Variants in RIPK1 observed in about 807,000 individuals in gnomAD.
RIPK1 encodes receptor-interacting serine/threonine-protein kinase 1.
RIPK1 carries 27 observed loss-of-function variants against 62.4 expected under a neutral mutation model. The ratio of observed to expected loss-of-function variants is 0.43; its 90% CI spans 0.32 to 0.60. The LOEUF (loss-of-function observed/expected upper bound fraction) is 0.60. Ranked by LOEUF, RIPK1 falls within the 20% of genes least tolerant of loss-of-function variation. The pLI is 0.07. For missense variants in RIPK1, 735 were observed against 831.0 expected (o/e 0.88, Z 1.42); for synonymous variants, 287 against 303.2 (o/e 0.95, Z 0.55).
At chr6:3,107,674 A>G (rs1760932012) in intron 9 of RIPK1, among the ~76,000 whole-genome samples, 1 of 151,900 alleles carries the variant, frequency 6.6e-6, no homozygotes, top group South Asian at 2.1e-4. Context: ...CTTCCCTCAC[A>G]CAGTTTAAAT....
chr6:3,077,877 A>C lies in RIPK1; in HGVS notation c.263A>C (p.Tyr88Ser). 1 of 1,614,070 alleles carries C rather than the reference A, an allele frequency of 6.2e-7. No homozygotes were observed. Among genetic ancestry groups the C allele is most frequent in the Non-Finnish European group, 8.5e-7 (1 of 1,179,994 alleles). The change falls in exon 3 of 11, where the codon TAC (tyrosine) becomes TCC (serine). Residue 88 changes from tyrosine to serine, a missense_variant. This residue lies in a region of RIPK1 where 671 missense variants were observed against 726.2 expected (regional missense o/e 0.92). Transcript: ENST00000259808. ...GGCGTCATCATAGAGGAAGGGAAGTACTCCCTGGTGATGGAGTACATGGAG... is the reference window on the plus strand; with the variant it reads ...GGCGTCATCATAGAGGAAGGGAAGTCCTCCCTGGTGATGGAGTACATGGAG... Reference protein sequence around the residue: ...LLGVIIEEGKYSLVMEYMEKG... With the variant: ...LLGVIIEEGKSSLVMEYMEKG...
In RIPK1 at chr6:3,076,788, A is replaced by G. The variant is rs1465190148; in HGVS notation, c.-36A>G. The G allele has an allele frequency of 1.2e-5, 19 of 1,604,200 alleles. No homozygotes were observed. The East Asian group carries it at 1.4e-4, about 12-fold the overall frequency. On this transcript the variant is annotated 5_prime_UTR_variant, in exon 2 of 11. Coordinates refer to ENST00000259808, the MANE Select transcript of RIPK1 (RefSeq NM_001354930.2). The stretch of plus-strand genomic sequence containing the variant: ...GGGTACAGCTCTGCCGGGGGGGGAA[A>G]AAGTGGTACCATTTTGGGCGTTCTT...
At chr6:3,082,189 G>T (rs1227607362) in intron 4 of RIPK1, among the ~76,000 whole-genome samples, 1 of 152,188 alleles carries the variant, frequency 6.6e-6, no homozygotes, top group Non-Finnish European at 1.5e-5. Flanking sequence ...AGGAGCTGCT[G>T]ACACAGGGGC....
intron 7 of RIPK1, among the ~76,000 whole-genome samples, chr6:3,102,279 A>G (rs1189281213): frequency 1.3e-5 from 2 of 152,188 alleles, no homozygotes; most frequent in African/African-American, 4.8e-5. Context: ...CTGCTTTCTG[A>G]TAGTTCAGTA....
At chr6:3,109,767 T>C (rs952941982) in intron 9 of RIPK1, among the ~76,000 whole-genome samples, 2 of 152,336 alleles carry the variant, frequency 1.3e-5, no homozygotes, top group Non-Finnish European at 1.5e-5. Flanking sequence ...ACTAAAACTC[T>C]GTATCCATTA....
At chr6:3,069,439 C>T (rs1264597895) in intron 1 of RIPK1, among the ~76,000 whole-genome samples, 2 of 151,136 alleles carry the variant, frequency 1.3e-5, no homozygotes, top group African/African-American at 4.9e-5. Flanking sequence ...AAGCATTTGA[C>T]AAAGCCTCAC....
Position 3,083,232 on chromosome 6 carries a change from G to C in RIPK1, c.607G>C (p.Ala203Pro). 1.2e-6 allele frequency: 2 copies of C among 1,613,954 alleles called. No individual in the cohort carries two copies. Among genetic ancestry groups the C allele is most frequent in the Non-Finnish European group, 1.7e-6 (2 of 1,180,000 alleles). The stretch of plus-strand genomic sequence containing the variant: ...GCCCGAGCACCTGAATGACGTCAAC[G>C]CAAAGCCCACAGAGAAGTCGGATGT... ...MAPEHLNDVN[A>P]KPTEKSDVYS... The change falls in exon 5 of 11, where the codon GCA becomes CCA. Residue 203 changes from alanine (A) to proline (P), a missense_variant. This residue lies in a region of RIPK1 where 671 missense variants were observed against 726.2 expected (regional missense o/e 0.92). Transcript: ENST00000259808.
chr6:3,070,794 A>C (rs1378596340), intron 1 of RIPK1, among the ~76,000 whole-genome samples: 1 of 152,200 alleles, frequency 6.6e-6, no homozygotes, highest in Non-Finnish European at 1.5e-5. Context: ...ACATTTATTT[A>C]ATATAGATGA....
intron 9 of RIPK1, 104 bp downstream of exon 9, chr6:3,106,155 G>A (rs963490975): frequency 3.0e-5 from 27 of 890,788 alleles, no homozygotes; most frequent in Non-Finnish European, 3.2e-5. Flanking sequence ...TGGGGACAGA[G>A]GGCATCATCA....
At chr6:3,097,770 G>A (rs542400910) in intron 7 of RIPK1, among the ~76,000 whole-genome samples, 2 of 151,848 alleles carry the variant, frequency 1.3e-5, no homozygotes, top group South Asian at 2.1e-4. Flanking sequence ...TGTTTAAAAC[G>A]AATTTATAAA....
upstream of RIPK1, among the ~76,000 whole-genome samples, chr6:3,067,157 GAT>G (rs539494264): frequency 6.3e-4 from 88 of 139,090 alleles, 1 homozygote; most frequent in Admixed American, 6.3e-3. Context: ...CCCATTAAGT[GAT>G]ATCTTGGATG....
intron 7 of RIPK1, among the ~76,000 whole-genome samples, chr6:3,090,885 C>A (rs34810870): frequency 0.45 from 6,853 of 15,210 alleles, 267 homozygotes; most frequent in Non-Finnish European, 0.47. Flanking sequence ...GTAACCGCAG[C>A]GCGCCTACCT....
In RIPK1 at chr6:3,089,664, A is replaced by G. The variant is rs1344831723; in HGVS notation, c.915+7A>G. On this transcript the variant is annotated splice_region_variant and intron_variant, in intron 7 of 10. Transcript: ENST00000259808. The stretch of plus-strand genomic sequence containing the variant: ...GGACGTGAAGAGTTTAAAGGTAGGC[A>G]ATATAGCAGATGCTCAAAATATTAA... 6.8e-7 allele frequency: 1 copy of G among 1,463,510 alleles called. No individual in the cohort carries two copies. Among genetic ancestry groups the G allele is most frequent in the Non-Finnish European group, 9.4e-7 (1 of 1,058,360 alleles). 90.7% of individuals were successfully genotyped at this position (1,463,510 alleles called of 1,614,324 possible). A position where few individuals can be genotyped will look rare whatever the true frequency, so the allele number is the denominator to read the frequency against.
upstream of RIPK1, among the ~76,000 whole-genome samples, chr6:3,066,189 A>T (rs964050341): frequency 3.3e-5 from 5 of 152,016 alleles, no homozygotes; most frequent in Non-Finnish European, 2.9e-5. Context: ...ACGCCCAGCT[A>T]ATTTTTGTAT....
chr6:3,109,099 T>C (rs183981611), intron 9 of RIPK1, among the ~76,000 whole-genome samples: 1 of 152,298 alleles, frequency 6.6e-6, no homozygotes, highest in Admixed American at 6.5e-5. Flanking sequence ...CCATGCCCCG[T>C]ACCAAGGCCC....
At chr6:3,094,091 T>TGCACCTA (rs950091319) in intron 7 of RIPK1, among the ~76,000 whole-genome samples, 2 of 105,962 alleles carry the variant, frequency 1.9e-5, no homozygotes, top group Non-Finnish European at 3.6e-5. Context: ...GCCTACCTCC[T>TGCACCTA]GCACCTAGTA....
At chr6:3,087,640 C>T (rs973538336) in intron 6 of RIPK1, among the ~76,000 whole-genome samples, 7 of 151,696 alleles carry the variant, frequency 4.6e-5, no homozygotes, top group Non-Finnish European at 5.9e-5. Context: ...CCTGGGTTCA[C>T]GCCATTTTCC....
At chr6:3,073,105 T>C (rs1015160267) in intron 1 of RIPK1, among the ~76,000 whole-genome samples, 1 of 152,014 alleles carries the variant, frequency 6.6e-6, no homozygotes, top group Non-Finnish European at 1.5e-5. Context: ...AATATATACA[T>C]ATGTACATAT....
In RIPK1 at chr6:3,072,223, AT is replaced by A. The variant is rs1446162718; in HGVS notation, c.-61+3563del. ...TCAAGGAATTATTCCTTTCAAAAAA[AT>A]AATTTTAATTTTACATTTAATTCAT... On this transcript the variant is annotated intron_variant, in intron 1 of 10. Transcript: ENST00000259808. The surrounding 1 kb of genome is among the most constrained non-coding windows in gnomAD (Gnocchi z 5.6). Among the ~76,000 whole-genome samples, 1 of 152,218 alleles carries A rather than the reference AT, an allele frequency of 6.6e-6. No individual in the cohort carries two copies. The highest frequency in any genetic ancestry group is 6.5e-5 in the Admixed American group (1 of 15,286).
Sources: allele counts gnomAD v4.1 joint callset (sites outside exome capture counted in the v4.1 genomes callset), GRCh38; gene constraint gnomAD v4.1.1; regional missense constraint gnomAD v4.1.1; non-coding constraint Gnocchi (gnomAD v3.1); transcripts MANE v1.5; gene names NCBI Gene and HGNC (gene_info 2026-07-23, HGNC 2026-07-21).